CRIM1: variants seen among roughly 807,000 people sequenced by gnomAD.
CRIM1 encodes cysteine rich transmembrane BMP regulator 1, also known as cysteine-rich motor neuron 1 protein.
In CRIM1, 32 loss-of-function variants were observed where a neutral mutation model predicts 116.4. The observed-to-expected ratio is 0.27, with a 90% CI of 0.21 to 0.37. The LOEUF is 0.37. Ranked by LOEUF, CRIM1 falls within the 10% of genes least tolerant of loss-of-function variation. CRIM1 has a pLI of 1.00. For synonymous variants in CRIM1, 590 were observed against 509.2 expected (o/e 1.16, Z -2.13); for missense variants, 1,331 against 1,354.8 (o/e 0.98, Z 0.28).
At chr2:36,364,771 G>T (rs1283668237) in intron 1 of CRIM1, among the ~76,000 whole-genome samples, 1 of 152,024 alleles carries the variant, frequency 6.6e-6, no homozygotes, top group African/African-American at 2.4e-5. Flanking sequence ...TTTCTATTAA[G>T]TAAATATTGT....
chr2:36,471,001 C>T (rs1050378024), intron 5 of CRIM1, among the ~76,000 whole-genome samples: 3 of 152,088 alleles, frequency 2.0e-5, no homozygotes, highest in African/African-American at 7.2e-5. Flanking sequence ...AGCTGAAGAC[C>T]TCAGTGGAAG....
chr2:36,516,206 G>T (rs972363902), intron 11 of CRIM1, among the ~76,000 whole-genome samples: 1 of 152,144 alleles, frequency 6.6e-6, no homozygotes, highest in African/African-American at 2.4e-5. Flanking sequence ...CACTTTGAAA[G>T]TCATAGCCCC....
intron 10 of CRIM1, 69 bp from the exon 11 acceptor site, chr2:36,513,487 A>T: frequency 7.7e-7 from 1 of 1,296,092 alleles, no homozygotes; most frequent in Non-Finnish European, 1.1e-6. Flanking sequence ...CAGTCCATGT[A>T]CAGACTCTGT....
chr2:36,383,046 G>A (rs1670903834), intron 1 of CRIM1, among the ~76,000 whole-genome samples: 1 of 152,172 alleles, frequency 6.6e-6, no homozygotes, highest in Non-Finnish European at 1.5e-5. Context: ...CATTTGGATA[G>A]TGTTTTTGAG....
At chr2:36,509,213 G>C (rs1681636033) in intron 8 of CRIM1, among the ~76,000 whole-genome samples, 1 of 152,136 alleles carries the variant, frequency 6.6e-6, no homozygotes. Context: ...TTGTCATGTG[G>C]ATATTTAAAA....
Position 36,509,964 on chromosome 2 carries a change from C to A in CRIM1, c.1502-19C>A. The stretch of plus-strand genomic sequence containing the variant: ...CTGTTCATCTTTGGAAGAAACATGC[C>A]GTCTCTGTGTCTTCACAGCCGAGGA... On this transcript the variant is annotated intron_variant, in intron 8 of 16. Transcript: ENST00000280527. 1 of 1,608,442 alleles carries A rather than the reference C, an allele frequency of 6.2e-7. No homozygotes were observed. Among genetic ancestry groups the A allele is most frequent in the African/African-American group, 1.3e-5 (1 of 74,824 alleles).
chr2:36,425,599 A>G (rs1674389557), intron 2 of CRIM1, among the ~76,000 whole-genome samples: 1 of 152,232 alleles, frequency 6.6e-6, no homozygotes, highest in Non-Finnish European at 1.5e-5. Flanking sequence ...CGGAAATTAG[A>G]TTCCAGAGTG....
chr2:36,488,670 G>A (rs1284987371), intron 7 of CRIM1, among the ~76,000 whole-genome samples: 1 of 152,166 alleles, frequency 6.6e-6, no homozygotes, highest in Non-Finnish European at 1.5e-5. Context: ...CCTCAGTGGA[G>A]TTTAACTTTC....
intron 7 of CRIM1, among the ~76,000 whole-genome samples, chr2:36,482,111 A>T (rs571462828): frequency 6.6e-6 from 1 of 152,234 alleles, no homozygotes; most frequent in East Asian, 1.9e-4. Context: ...TTGTCATTTC[A>T]GCGGTAAAGT....
chr2:36,550,601 T>G lies in CRIM1; in HGVS notation c.*1900T>G, dbSNP rs950929531. 2.0e-5 allele frequency: 3 copies of G among 152,466 alleles called. No homozygotes were observed. The highest frequency in any genetic ancestry group is 4.4e-5 in the Non-Finnish European group (3 of 68,006). 9.4% of individuals were successfully genotyped at this position (152,466 alleles called of 1,614,324 possible). A position where few individuals can be genotyped will look rare whatever the true frequency, so the allele number is the denominator to read the frequency against. On this transcript the variant is annotated 3_prime_UTR_variant, in exon 17 of 17. Coordinates refer to ENST00000280527, the MANE Select transcript of CRIM1 (RefSeq NM_016441.3). ...TATTAATCTGAAGATTAACCATTTT[T>G]TTGTCTTAGAATATCAAAAAGAAAA...
chr2:36,473,582 C>T (rs766925347), intron 5 of CRIM1, among the ~76,000 whole-genome samples: 1 of 152,032 alleles, frequency 6.6e-6, no homozygotes, highest in African/African-American at 2.4e-5. Context: ...ATGGACGTGC[C>T]TATGATGGGT....
rs375676368 is a variant in CRIM1, at chr2:36,476,902, C to T, written c.1005C>T (p.Ala335=). ...VFECVNDTKP[A]CVFNNVEYYD... ...AACTCTTTTCAGATACAAAGCCAGC[C>T]TGCGTATTTAACAATGTGGAATATT... Residue 335 remains alanine (A), a synonymous_variant, in exon 6 of 17, where the codon GCC becomes GCT. Transcript: ENST00000280527. The T allele has an allele frequency of 3.1e-6, 5 of 1,611,836 alleles. No homozygotes were observed. The highest frequency in any genetic ancestry group is 1.7e-4 in the Middle Eastern group (1 of 6,042).
In CRIM1 at chr2:36,381,306, G is replaced by A. The variant is rs143141851; in HGVS notation, c.332-15308G>A. ...AGGGAAAGGAAATGCTGCCCAGCGC[G>A]GCCCCACAGGCAGCTCCCGCTAGAC... On this transcript the variant is annotated intron_variant, in intron 1 of 16. Transcript: ENST00000280527. Among the ~76,000 whole-genome samples, 395 of 152,324 alleles carry A rather than the reference G, an allele frequency of 2.6e-3. 2 individuals are homozygous for A. Among genetic ancestry groups the A allele is most frequent in the African/African-American group, 7.7e-3 (322 of 41,582 alleles).
intron 5 of CRIM1, among the ~76,000 whole-genome samples, chr2:36,473,285 A>G (rs1404911685): frequency 1.3e-5 from 2 of 152,214 alleles, no homozygotes; most frequent in African/African-American, 2.4e-5. Flanking sequence ...ATCATCATCC[A>G]GCTTTCACCG....
intron 7 of CRIM1, among the ~76,000 whole-genome samples, chr2:36,495,343 G>C (rs1680503468): frequency 6.6e-6 from 1 of 152,142 alleles, no homozygotes; most frequent in Non-Finnish European, 1.5e-5. Context: ...CTGTTGCATA[G>C]ACTAGAGAAA....
chr2:36,509,907 G>A (rs992582845), intron 8 of CRIM1, 76 bp from the exon 9 acceptor site: 7 of 1,328,388 alleles, frequency 5.3e-6, no homozygotes, highest in Non-Finnish European at 6.3e-6. Flanking sequence ...GGAGGATTCA[G>A]GGACCGTATT....
At chr2:36,531,984 C>G in intron 13 of CRIM1, 1 of 470,854 alleles carries the variant, frequency 2.1e-6, no homozygotes, top group Non-Finnish European at 4.4e-6. Flanking sequence ...ACGGTGATGG[C>G]AGAAGTAAAT....
In CRIM1 at chr2:36,355,976, C is replaced by G. The variant is rs549186408; in HGVS notation, c.-317C>G. 1.3e-5 allele frequency: 2 copies of G among 151,998 alleles called. No homozygotes were observed. Among genetic ancestry groups the G allele is most frequent in the South Asian group, 2.0e-4 (1 of 4,958 alleles). 9.4% of individuals were successfully genotyped at this position (151,998 alleles called of 1,614,324 possible). A position where few individuals can be genotyped will look rare whatever the true frequency, so the allele number is the denominator to read the frequency against. The stretch of plus-strand genomic sequence containing the variant: ...CGCAGCAGCCACCGCCGCCGCCGCG[C>G]CAGAAGTTTGGGTTGAACCGGAGCT... On this transcript the variant is annotated 5_prime_UTR_variant, in exon 1 of 17. Transcript: ENST00000280527.
chr2:36,424,814 GATCTT>G, intron 2 of CRIM1, among the ~76,000 whole-genome samples: 1 of 152,172 alleles, frequency 6.6e-6, no homozygotes. Flanking sequence ...ACACTGATTT[GATCTT>G]TACAAATTGT....
Sources: gnomAD v4.1 joint callset for allele counts (sites outside exome capture counted in the v4.1 genomes callset) on GRCh38, gnomAD v4.1.1 for gene constraint, MANE v1.5 for transcripts, NCBI Gene and HGNC (gene_info 2026-07-23, HGNC 2026-07-21) for gene names.